The following ATP23 variants were observed in gnomAD, a reference collection of about 807,000 sequenced individuals.
The protein encoded by ATP23 is ATP23 metallopeptidase and ATP synthase assembly factor homolog, also known as mitochondrial inner membrane protease ATP23 homolog.
ATP23 carries 24 observed loss-of-function variants against 28.5 expected under a neutral mutation model. The observed-to-expected ratio is 0.84, with a 90% confidence interval of 0.61 to 1.18. ATP23 has a LOEUF of 1.18. ATP23 is among the 50% of genes most tolerant of loss of function. The pLI is 0.00. For synonymous variants in ATP23, 99 were observed against 108.6 expected (o/e 0.91, Z 0.55); for missense variants, 274 against 306.4 (o/e 0.89, Z 0.79).
intron 2 of ATP23, among the ~76,000 whole-genome samples, chr12:57,946,648 G>GGT (rs780733259): frequency 6.6e-6 from 1 of 151,370 alleles, no homozygotes; most frequent in African/African-American, 2.4e-5. Flanking sequence ...AGAGATGGGG[G>GGT]GTTCTCCATG....
At chr12:57,953,944 C>T (rs918978211) in intron 5 of ATP23, among the ~76,000 whole-genome samples, 4 of 152,006 alleles carry the variant, frequency 2.6e-5, no homozygotes, top group Non-Finnish European at 5.9e-5. Flanking sequence ...TTATGCCTCC[C>T]AGCAGTTTGG....
At position 57,957,616 on chromosome 12, in the gene ATP23, C is replaced by A. The variant is rs1038458715; in HGVS notation, c.*726C>A. Among the ~76,000 whole-genome samples, 2 of 152,186 alleles carry A rather than the reference C, an allele frequency of 1.3e-5. No homozygotes were observed. Among genetic ancestry groups the A allele is most frequent in the Non-Finnish European group, 2.9e-5 (2 of 68,032 alleles). On this transcript the variant is annotated 3_prime_UTR_variant, in exon 6 of 6. Coordinates refer to ENST00000300145, the MANE Select transcript of ATP23 (RefSeq NM_033276.4). Reference sequence around the variant, plus strand: ...GACCCTCCTCTCCCACACACACCCCCCCACTGGAGAAACTGAAGGTCTGTT... The same window carrying A: ...GACCCTCCTCTCCCACACACACCCCACCACTGGAGAAACTGAAGGTCTGTT...
rs1956883766 is a variant in ATP23, at chr12:57,957,912, T to C, written c.*1022T>C. Among the ~76,000 whole-genome samples, 2 of 152,094 alleles carry C rather than the reference T, an allele frequency of 1.3e-5. No homozygotes were observed. The highest frequency in any genetic ancestry group is 4.2e-4 in the South Asian group (2 of 4,814). ...GCCAGAACTTGGGAGAGGGCACAAA[T>C]CCCATGTGCAGAATCCACAGAGGGG... is the stretch of plus-strand genomic sequence containing the variant. On this transcript the variant is annotated 3_prime_UTR_variant, in exon 6 of 6. Coordinates refer to ENST00000300145, the MANE Select transcript of ATP23 (RefSeq NM_033276.4).
In ATP23 at chr12:57,957,613, C is replaced by A. The variant is rs111763507; in HGVS notation, c.*723C>A. Among the ~76,000 whole-genome samples, 1 of 152,038 alleles carries A rather than the reference C, an allele frequency of 6.6e-6. No individual in the cohort carries two copies. Among genetic ancestry groups the A allele is most frequent in the Non-Finnish European group, 1.5e-5 (1 of 68,012 alleles). ...GGAGACCCTCCTCTCCCACACACAC[C>A]CCCCCACTGGAGAAACTGAAGGTCT... On this transcript the variant is annotated 3_prime_UTR_variant, in exon 6 of 6. Transcript: ENST00000300145.
At chr12:57,948,410 G>C (rs1475474327) in intron 3 of ATP23, among the ~76,000 whole-genome samples, 1 of 152,098 alleles carries the variant, frequency 6.6e-6, no homozygotes, top group Non-Finnish European at 1.5e-5. Flanking sequence ...AGCCTCCTGA[G>C]TAGCTGGGAT....
chr12:57,959,035 A>G lies in ATP23; in HGVS notation c.*2145A>G, dbSNP rs559002948. The stretch of plus-strand genomic sequence containing the variant: ...AATATTCAAGGAAATGGAGAGCTTA[A>G]AGAAAAAAGAATAAAAAATTCAGGA... On this transcript the variant is annotated 3_prime_UTR_variant, in exon 6 of 6. Coordinates refer to ENST00000300145, the MANE Select transcript of ATP23 (RefSeq NM_033276.4). 2.0e-5 allele frequency among the ~76,000 whole-genome samples: 3 copies of G among 152,274 alleles called. No individual in the cohort carries two copies. The highest frequency in any genetic ancestry group is 3.4e-3 in the Middle Eastern group (1 of 294).
At chr12:57,954,999 G>C (rs1956852153) in intron 5 of ATP23, among the ~76,000 whole-genome samples, 1 of 152,040 alleles carries the variant, frequency 6.6e-6, no homozygotes, top group Non-Finnish European at 1.5e-5. Flanking sequence ...CATGTTTTCT[G>C]TGCCCTTGAG....
intron 1 of ATP23, 80 bp from the exon 2 acceptor site, chr12:57,945,548 A>G: frequency 7.9e-7 from 1 of 1,266,162 alleles, no homozygotes; most frequent in Non-Finnish European, 1.1e-6. Flanking sequence ...TTACTTTTTG[A>G]TAATATCTTA....
rs1180338411 is a variant in ATP23, at chr12:57,941,663, C to G, written c.-39C>G. ...CCTTTCCCAGTCTCGCTCTGGCCGCCTGAGCCAGGAGGAAGCAGCGGCGAG... is the reference window on the plus strand; with the variant it reads ...CCTTTCCCAGTCTCGCTCTGGCCGCGTGAGCCAGGAGGAAGCAGCGGCGAG... On this transcript the variant is annotated 5_prime_UTR_variant, in exon 1 of 6. Coordinates refer to ENST00000300145, the MANE Select transcript of ATP23 (RefSeq NM_033276.4). 6.3e-7 allele frequency: 1 copy of G among 1,589,992 alleles called. No homozygotes were observed. Among genetic ancestry groups the G allele is most frequent in the East Asian group, 2.3e-5 (1 of 44,020 alleles).
chr12:57,955,336 A>G (rs1443910565), intron 5 of ATP23, among the ~76,000 whole-genome samples: 4 of 149,434 alleles, frequency 2.7e-5, no homozygotes, highest in Non-Finnish European at 4.4e-5. Flanking sequence ...GATGCACACA[A>G]TCTTTGAAAG....
chr12:57,953,955 G>T (rs188532586), intron 5 of ATP23, among the ~76,000 whole-genome samples: 1 of 152,210 alleles, frequency 6.6e-6, no homozygotes, highest in East Asian at 1.9e-4. Flanking sequence ...AGCAGTTTGG[G>T]AGGCCGAGGC....
At chr12:57,947,116 T>C (rs773703504) in intron 3 of ATP23, 40 bp downstream of exon 3, 4 of 1,577,558 alleles carry the variant, frequency 2.5e-6, no homozygotes, top group Non-Finnish European at 3.5e-6. Flanking sequence ...CCTTTAATCC[T>C]CTCTCTTTAT....
At chr12:57,950,291 C>T (rs976394599) in intron 3 of ATP23, among the ~76,000 whole-genome samples, 4 of 152,122 alleles carry the variant, frequency 2.6e-5, no homozygotes, top group Non-Finnish European at 4.4e-5. Flanking sequence ...TATCTGTTGC[C>T]TACCACCCCC....
Position 57,958,323 on chromosome 12 carries a change from A to G in ATP23, c.*1433A>G. On this transcript the variant is annotated 3_prime_UTR_variant, in exon 6 of 6. Coordinates refer to ENST00000300145, the MANE Select transcript of ATP23 (RefSeq NM_033276.4). The stretch of plus-strand genomic sequence containing the variant: ...ACCCTGGTATCTGAACAAAAAGGGC[A>G]TACAATCTTGGGAGTTCTAGGGCCC... Among the ~76,000 whole-genome samples the G allele has an allele frequency of 6.6e-6, 1 of 152,158 alleles. No individual in the cohort carries two copies. Among genetic ancestry groups the G allele is most frequent in the East Asian group, 1.9e-4 (1 of 5,186 alleles).
chr12:57,951,443 G>C (rs1956813255), intron 3 of ATP23, among the ~76,000 whole-genome samples: 1 of 152,192 alleles, frequency 6.6e-6, no homozygotes, highest in Admixed American at 6.5e-5. Flanking sequence ...CCATAATGCT[G>C]TGGAGTCCGA....
intron 5 of ATP23, among the ~76,000 whole-genome samples, chr12:57,956,438 TA>T (rs1419624434): frequency 3.2e-4 from 49 of 152,218 alleles, no homozygotes; most frequent in Middle Eastern, 6.8e-3. Context: ...GACATCTGCT[TA>T]TATCAGTGGG....
At position 57,941,587 on chromosome 12, in the gene ATP23, C is replaced by A; in HGVS notation, c.-115C>A. 1.4e-6 allele frequency: 2 copies of A among 1,402,458 alleles called. No individual in the cohort carries two copies. The highest frequency in any genetic ancestry group is 1.4e-5 in the African/African-American group (1 of 69,120). The allele number at this position is 1,402,458 out of a possible 1,614,324, so 86.9% of individuals were successfully genotyped here. ...TCTTCAGCCCAGCCAGGCTGCCCTT[C>A]TTCCCTGCGGAGGGAGGGCCTGGGC... is the stretch of plus-strand genomic sequence containing the variant. On this transcript the variant is annotated 5_prime_UTR_variant, in exon 1 of 6. Transcript: ENST00000300145.
At chr12:57,950,386 T>G (rs896134717) in intron 3 of ATP23, among the ~76,000 whole-genome samples, 2 of 152,002 alleles carry the variant, frequency 1.3e-5, no homozygotes, top group African/African-American at 4.8e-5. Flanking sequence ...TTTGCATAGG[T>G]TTTTCTCTCT....
chr12:57,945,948 C>A (rs1160528580), intron 2 of ATP23, among the ~76,000 whole-genome samples: 1 of 151,106 alleles, frequency 6.6e-6, no homozygotes, highest in Non-Finnish European at 1.5e-5. Flanking sequence ...TCAGTGCAAC[C>A]TCCGTCTCCC....
Sources: gnomAD v4.1 joint callset for allele counts (sites outside exome capture counted in the v4.1 genomes callset) on GRCh38, gnomAD v4.1.1 for gene constraint, MANE v1.5 for transcripts, NCBI Gene and HGNC (gene_info 2026-07-23, HGNC 2026-07-21) for gene names.